The following AGBL1 variants were observed in gnomAD, a reference collection of about 807,000 sequenced individuals.
AGBL1 encodes cytosolic carboxypeptidase 4.
Under a neutral mutation model 118.9 loss-of-function variants are expected in AGBL1, and 130 were observed. The observed-to-expected ratio is 1.09, with a 90% confidence interval of 0.95 to 1.26. The LOEUF is 1.26. Ranked by LOEUF, AGBL1 falls within the 50% of genes most tolerant of loss-of-function variation. The pLI is 0.00. For missense variants in AGBL1, 1,584 were observed against 1,298.1 expected, an observed-to-expected ratio of 1.22 and a Z score of -3.38; for synonymous variants, 555 against 478.9, an observed-to-expected ratio of 1.16 and a Z score of -2.08.
intron 24 of AGBL1, among the ~76,000 whole-genome samples, chr15:86,989,493 G>C (rs1001022123): frequency 6.6e-6 from 1 of 151,754 alleles, no homozygotes; most frequent in African/African-American, 2.4e-5. Flanking sequence ...AGATTATAAG[G>C]GTTTCCCCCT....
At chr15:86,160,294 T>C (rs915708173) in intron 5 of AGBL1, among the ~76,000 whole-genome samples, 5 of 152,136 alleles carry the variant, frequency 3.3e-5, no homozygotes, top group African/African-American at 1.2e-4. Context: ...CAAAAAAATT[T>C]ATTTTCTATG....
chr15:86,323,318 A>G (rs1405666024), intron 17 of AGBL1, among the ~76,000 whole-genome samples: 1 of 152,148 alleles, frequency 6.6e-6, no homozygotes, highest in Non-Finnish European at 1.5e-5. Flanking sequence ...CAGGAAAATA[A>G]TATATGACAA....
intron 17 of AGBL1, among the ~76,000 whole-genome samples, chr15:86,324,208 T>C (rs548617003): frequency 2.6e-5 from 4 of 152,310 alleles, no homozygotes; most frequent in African/African-American, 9.6e-5. Context: ...GGAGGAAATA[T>C]ACAAACAAAT....
At chr15:86,284,824 G>A (rs115827458) in intron 16 of AGBL1, among the ~76,000 whole-genome samples, 1 of 152,212 alleles carries the variant, frequency 6.6e-6, no homozygotes, top group Non-Finnish European at 1.5e-5. Flanking sequence ...AAAGGAAAGG[G>A]AGACTGAGGA....
intron 22 of AGBL1, among the ~76,000 whole-genome samples, chr15:86,710,763 CAT>C (rs1479739658): frequency 6.6e-6 from 1 of 152,124 alleles, no homozygotes. Context: ...TAGAAAGAAA[CAT>C]AGCAATTCTT....
chr15:86,644,851 C>CAAAAAA (rs11434077), intron 21 of AGBL1, among the ~76,000 whole-genome samples: 11 of 99,592 alleles, frequency 1.1e-4, no homozygotes, highest in Non-Finnish European at 1.9e-4. Context: ...ACTAAAAATA[C>CAAAAAA]AAAAAAAAAA....
chr15:86,482,849 A>C (rs1318468132), intron 18 of AGBL1, among the ~76,000 whole-genome samples: 4 of 152,110 alleles, frequency 2.6e-5, no homozygotes, highest in Non-Finnish European at 5.9e-5. Flanking sequence ...AGCCAAGCAA[A>C]GTATGTCTCA....
intron 22 of AGBL1, among the ~76,000 whole-genome samples, chr15:86,692,856 A>G (rs759283808): frequency 2.0e-5 from 3 of 152,100 alleles, no homozygotes; most frequent in African/African-American, 4.8e-5. Flanking sequence ...AGAACATACA[A>G]TGTTTGGTTT....
chr15:86,217,741 G>C (rs2078212726), intron 5 of AGBL1, among the ~76,000 whole-genome samples: 1 of 152,190 alleles, frequency 6.6e-6, no homozygotes, highest in Admixed American at 6.5e-5. Context: ...AAGAACAGTG[G>C]GGCAGAGGTA....
At chr15:86,430,018 T>C (rs961187) in intron 18 of AGBL1, among the ~76,000 whole-genome samples, 88,258 of 152,096 alleles carry the variant, frequency 0.58, 27,305 homozygotes, top group African/African-American at 0.78. Flanking sequence ...GGTGTCTACA[T>C]TGATGTAGCC....
intron 22 of AGBL1, among the ~76,000 whole-genome samples, chr15:86,766,861 AC>A (rs2078103462): frequency 6.6e-6 from 1 of 151,888 alleles, no homozygotes; most frequent in Admixed American, 6.6e-5. Context: ...CTACACACAC[AC>A]ACACACACCC....
intron 18 of AGBL1, among the ~76,000 whole-genome samples, chr15:86,460,396 T>A (rs1478944979): frequency 6.8e-6 from 1 of 147,704 alleles, no homozygotes; most frequent in Non-Finnish European, 1.5e-5. Flanking sequence ...CTTGGGAGGC[T>A]GAGGCAGGAG....
chr15:86,729,336 A>G (rs2077498671), intron 22 of AGBL1, among the ~76,000 whole-genome samples: 1 of 152,132 alleles, frequency 6.6e-6, no homozygotes, highest in African/African-American at 2.4e-5. Flanking sequence ...TGTTATGTGT[A>G]TAAATTGTGT....
intron 1 of AGBL1, among the ~76,000 whole-genome samples, chr15:86,121,248 A>T (rs910320343): frequency 6.6e-6 from 1 of 152,026 alleles, no homozygotes. Flanking sequence ...TTTTAGAACA[A>T]TTGAAAATTG....
At chr15:86,730,249 A>C (rs2077509341) in intron 22 of AGBL1, among the ~76,000 whole-genome samples, 1 of 152,212 alleles carries the variant, frequency 6.6e-6, no homozygotes. Flanking sequence ...ACAAAAACAA[A>C]AATTGACAAG....
At chr15:86,845,886 C>G (rs998128753) in intron 22 of AGBL1, among the ~76,000 whole-genome samples, 1 of 152,090 alleles carries the variant, frequency 6.6e-6, no homozygotes, top group African/African-American at 2.4e-5. Flanking sequence ...TCTTTTCTCC[C>G]AAACCTGCTA....
chr15:86,103,792 C>T (rs776732717), intron 1 of AGBL1, among the ~76,000 whole-genome samples: 13 of 152,150 alleles, frequency 8.5e-5, no homozygotes, highest in Non-Finnish European at 1.3e-4. Context: ...CATATGCTGG[C>T]GTTGGTGTTA....
At chr15:86,524,561 T>C (rs987472384) in intron 19 of AGBL1, among the ~76,000 whole-genome samples, 1 of 152,164 alleles carries the variant, frequency 6.6e-6, no homozygotes, top group African/African-American at 2.4e-5. Context: ...GTCAGTTATG[T>C]AGCCATCAAA....
chr15:86,532,643 G>C (rs1199740415), intron 19 of AGBL1, among the ~76,000 whole-genome samples: 1 of 150,040 alleles, frequency 6.7e-6, no homozygotes, highest in Non-Finnish European at 1.5e-5. Context: ...AAAAGAGCCC[G>C]CATCGCCAAG....
Sources: gnomAD v4.1 joint callset for allele counts (sites outside exome capture counted in the v4.1 genomes callset) on GRCh38, gnomAD v4.1.1 for gene constraint, MANE v1.5 for transcripts, NCBI Gene and HGNC (gene_info 2026-07-23, HGNC 2026-07-21) for gene names.